Variants in HIPK3 observed in about 807,000 individuals in gnomAD.
The protein encoded by HIPK3 is homeodomain-interacting protein kinase 3.
Under a neutral mutation model 124.2 loss-of-function variants are expected in HIPK3, and 47 were observed. That is an observed-to-expected ratio of 0.38 (90% CI 0.30 to 0.48). The LOEUF is 0.48. Ranked by LOEUF, HIPK3 falls within the 20% of genes least tolerant of loss-of-function variation. The probability of loss-of-function intolerance (pLI) is 0.98; values close to 1 mark genes in which losing one functional copy is unlikely to be tolerated. For synonymous variants in HIPK3, 482 were observed against 515.2 expected, an observed-to-expected ratio of 0.94 and a Z score of 0.87; for missense variants, 1,286 against 1,454.3, an observed-to-expected ratio of 0.88 and a Z score of 1.88.
At chr11:33,285,407 T>A (rs902019680) in intron 1 of HIPK3, among the ~76,000 whole-genome samples, 5 of 152,158 alleles carry the variant, frequency 3.3e-5, no homozygotes, top group Admixed American at 2.0e-4. Context: ...TGAATATAAC[T>A]GGGTAGAAAG....
chr11:33,267,551 A>G (rs1179432241), intron 1 of HIPK3, among the ~76,000 whole-genome samples: 2 of 151,726 alleles, frequency 1.3e-5, no homozygotes, highest in Non-Finnish European at 2.9e-5. Flanking sequence ...GCTGGAGTGC[A>G]GTGGCGTGAT....
At chr11:33,297,091 ATTTTTT>A (rs34751907) in intron 2 of HIPK3, among the ~76,000 whole-genome samples, 4 of 136,482 alleles carry the variant, frequency 2.9e-5, no homozygotes, top group Admixed American at 7.5e-5. Flanking sequence ...TATGGAAAAG[ATTTTTT>A]TTTTTTTTTT....
chr11:33,282,290 T>C (rs1352204662), intron 1 of HIPK3, among the ~76,000 whole-genome samples: 1 of 151,606 alleles, frequency 6.6e-6, no homozygotes, highest in African/African-American at 2.4e-5. Flanking sequence ...GAGGCTGAGG[T>C]GGGAGGATCG....
rs1851577258 is a variant in HIPK3 at position 33,287,077 on chromosome 11, A to G, written c.663A>G (p.Glu221=). The stretch of plus-strand genomic sequence containing the variant: ...AATGCTGGAAAAGAGGGACAAATGA[A>G]ATTGTAGCAATCAAAATTTTGAAGA... The part of the protein sequence containing the change: ...VVKCWKRGTN[E]IVAIKILKNH... Residue 221 remains glutamate, a synonymous_variant, in exon 2 of 17, where the codon GAA becomes GAG. Transcript: ENST00000303296. The G allele has an allele frequency of 6.2e-7, 1 of 1,614,106 alleles. No individual in the cohort carries two copies. Among genetic ancestry groups the G allele is most frequent in the Admixed American group, 1.7e-5 (1 of 60,004 alleles).
rs1850695260 is a variant in HIPK3, at chr11:33,257,436, G to A, written c.-456G>A. Reference sequence around the variant, plus strand: ...CATCGCGGCGACCTGAGGAGATCAAGCCGCAGGCCCCGCCGTCGCCACCAC... The same window carrying A: ...CATCGCGGCGACCTGAGGAGATCAAACCGCAGGCCCCGCCGTCGCCACCAC... On this transcript the variant is annotated 5_prime_UTR_variant, in exon 1 of 17. Coordinates refer to ENST00000303296, the MANE Select transcript of HIPK3 (RefSeq NM_005734.5). 1.0e-6 allele frequency: 1 copy of A among 985,164 alleles called. No individual in the cohort carries two copies. The highest frequency in any genetic ancestry group is 1.2e-6 in the Non-Finnish European group (1 of 829,860). 61.0% of individuals were successfully genotyped at this position (985,164 alleles called of 1,614,324 possible).
At chr11:33,312,967 A>G (rs566084189) in intron 2 of HIPK3, among the ~76,000 whole-genome samples, 1 of 152,346 alleles carries the variant, frequency 6.6e-6, no homozygotes, top group African/African-American at 2.4e-5. Context: ...TTAGTTCTCT[A>G]TTACTCCAAA....
chr11:33,306,149 T>C (rs1219668744), intron 2 of HIPK3, among the ~76,000 whole-genome samples: 5 of 152,248 alleles, frequency 3.3e-5, no homozygotes, highest in African/African-American at 7.2e-5. Context: ...TGAGAATTGG[T>C]ATATCAACAT....
At chr11:33,306,609 G>A (rs1852167775) in intron 2 of HIPK3, among the ~76,000 whole-genome samples, 1 of 152,124 alleles carries the variant, frequency 6.6e-6, no homozygotes, top group Non-Finnish European at 1.5e-5. Context: ...GTCACCCTGA[G>A]CAAGTTGTTT....
intron 2 of HIPK3, 106 bp downstream of exon 2, chr11:33,287,617 A>C: frequency 8.2e-7 from 1 of 1,223,862 alleles, no homozygotes; most frequent in Non-Finnish European, 1.1e-6. Context: ...TCAGTTAAAT[A>C]AGGAAATCAA....
At chr11:33,307,453 C>T (rs569420350) in intron 2 of HIPK3, among the ~76,000 whole-genome samples, 30 of 145,280 alleles carry the variant, frequency 2.1e-4, no homozygotes, top group Admixed American at 4.9e-4. Context: ...GGCTGGAGTG[C>T]AGTGGCGTGA....
intron 1 of HIPK3, among the ~76,000 whole-genome samples, chr11:33,259,675 A>T (rs1411262713): frequency 6.6e-6 from 1 of 151,768 alleles, no homozygotes; most frequent in Non-Finnish European, 1.5e-5. Flanking sequence ...TCTTTTTTGA[A>T]ATTTACTTAT....
chr11:33,290,606 G>A (rs1304548719), intron 2 of HIPK3, among the ~76,000 whole-genome samples: 1 of 143,640 alleles, frequency 7.0e-6, no homozygotes, highest in Non-Finnish European at 1.5e-5. Flanking sequence ...TTCTTTATTT[G>A]AAATCTTTTT....
At chr11:33,349,034 A>G (rs1853581675) in intron 13 of HIPK3, 113 bp from the exon 14 acceptor site, 14 of 1,057,928 alleles carry the variant, frequency 1.3e-5, no homozygotes, top group East Asian at 2.5e-5. Flanking sequence ...CTTTTTGTCC[A>G]TGTAGGTCAT....
At chr11:33,270,619 A>G (rs1211346758) in intron 1 of HIPK3, among the ~76,000 whole-genome samples, 1 of 152,236 alleles carries the variant, frequency 6.6e-6, no homozygotes, top group Non-Finnish European at 1.5e-5. Context: ...AAATTATGAT[A>G]TGCACATAGG....
At chr11:33,346,332 C>G (rs986539609) in intron 8 of HIPK3, among the ~76,000 whole-genome samples, 2 of 152,156 alleles carry the variant, frequency 1.3e-5, no homozygotes, top group African/African-American at 4.8e-5. Context: ...AGTTTCAGCT[C>G]TCTGCTAAGA....
Position 33,284,946 on chromosome 11 carries a change from A to T in HIPK3, c.-2-1467A>T, listed in dbSNP as rs539513716. 9.8e-5 allele frequency among the ~76,000 whole-genome samples: 15 copies of T among 152,286 alleles called. No homozygotes were observed. In the South Asian group the frequency reaches 3.1e-3, roughly 32 times the overall value. The stretch of plus-strand genomic sequence containing the variant: ...TTTCTAGCTATGGTACTGAGGATTC[A>T]TTCTTATGTGTGTATATGTTTTGAG... On this transcript the variant is annotated intron_variant, in intron 1 of 16. Coordinates refer to ENST00000303296, the MANE Select transcript of HIPK3 (RefSeq NM_005734.5).
intron 2 of HIPK3, among the ~76,000 whole-genome samples, chr11:33,310,836 A>G (rs16924148): frequency 0.01 from 1,568 of 152,298 alleles, 30 homozygotes; most frequent in African/African-American, 0.036. Flanking sequence ...TGGAAGGCAG[A>G]TCAAGTAGGT....
At chr11:33,289,284 G>GA (rs1035898652) in intron 2 of HIPK3, among the ~76,000 whole-genome samples, 122 of 151,546 alleles carry the variant, frequency 8.1e-4, no homozygotes, top group African/African-American at 2.9e-3. Context: ...TCCAAAAAAA[G>GA]AAAAAAAATA....
At chr11:33,339,696 G>T (rs1226395188) in intron 6 of HIPK3, among the ~76,000 whole-genome samples, 162 bp downstream of exon 6, 1 of 152,162 alleles carries the variant, frequency 6.6e-6, no homozygotes, top group African/African-American at 2.4e-5. Flanking sequence ...AAGTGTCAGG[G>T]AACTAGAACC....
Sources: gnomAD v4.1 joint callset for allele counts (sites outside exome capture counted in the v4.1 genomes callset) on GRCh38, gnomAD v4.1.1 for gene constraint, MANE v1.5 for transcripts, NCBI Gene and HGNC (gene_info 2026-07-23, HGNC 2026-07-21) for gene names.